Variants in SEPTIN7 observed in about 807,000 individuals in gnomAD.
The protein encoded by SEPTIN7 is septin-7.
Under a neutral mutation model 63.3 loss-of-function variants are expected in SEPTIN7, and 10 were observed. The observed-to-expected ratio is 0.16, with a 90% confidence interval of 0.10 to 0.27. The LOEUF (loss-of-function observed/expected upper bound fraction) is 0.27. Among genes scored for constraint, SEPTIN7 ranks in the 10% least tolerant of loss-of-function variants. The pLI, the probability that SEPTIN7 is intolerant of heterozygous loss-of-function variation, is 1.00. For synonymous variants in SEPTIN7, 131 were observed against 165.3 expected, an observed-to-expected ratio of 0.79 and a Z score of 1.59; for missense variants, 310 against 521.0, an observed-to-expected ratio of 0.59 and a Z score of 3.94.
rs1389328836 is a variant in SEPTIN7 at position 35,872,720 on chromosome 7, A to G, written c.331A>G (p.Ile111Val). Residue 111 changes from isoleucine (I) to valine (V), a missense_variant, in exon 5 of 14, where the codon ATA (isoleucine) becomes GTA (valine). Physicochemically the swap from Ile to Val is conservative, Grantham distance 29 (BLOSUM62 3). Coordinates refer to ENST00000350320, the MANE Select transcript of SEPTIN7 (RefSeq NM_001788.6). ...AGGTGGTGTTCAGTTGCTGCTCACA[A>G]TAGTTGATACCCCAGGATTTGGAGA... ...KEGGVQLLLT[I>V]VDTPGFGDAV... The G allele has an allele frequency of 1.2e-6, 2 of 1,612,858 alleles. No homozygotes were observed. The highest frequency in any genetic ancestry group is 1.3e-5 in the African/African-American group (1 of 75,024).
intron 3 of SEPTIN7, among the ~76,000 whole-genome samples, chr7:35,845,331 A>G (rs941343437): frequency 1.3e-5 from 2 of 151,960 alleles, no homozygotes; most frequent in African/African-American, 4.8e-5. Context: ...TAGTTTTAAG[A>G]TCCAAAACGA....
intron 3 of SEPTIN7, among the ~76,000 whole-genome samples, chr7:35,835,114 G>T (rs1261961398): frequency 6.6e-6 from 1 of 152,062 alleles, no homozygotes; most frequent in Non-Finnish European, 1.5e-5. Flanking sequence ...TCTTAAAGGA[G>T]CTTCTGATTT....
intron 4 of SEPTIN7, among the ~76,000 whole-genome samples, chr7:35,871,343 C>T (rs1318592645): frequency 6.6e-6 from 1 of 152,176 alleles, no homozygotes; most frequent in East Asian, 1.9e-4. Flanking sequence ...CTGTAGACCT[C>T]TGCTGTGTAT....
In SEPTIN7 at chr7:35,905,558, G is replaced by C. The variant is rs1788570429; in HGVS notation, c.*1265G>C. The stretch of plus-strand genomic sequence containing the variant: ...CCCCCAGACAGGGTCTTGCTTCATT[G>C]CCCAGGCTGGAGTGCGGTGGCACAA... On this transcript the variant is annotated 3_prime_UTR_variant, in exon 14 of 14. Transcript: ENST00000350320. 2 of 151,766 alleles carry C rather than the reference G, an allele frequency of 1.3e-5. No homozygotes were observed. Among genetic ancestry groups the C allele is most frequent in the Non-Finnish European group, 2.9e-5 (2 of 67,992 alleles). 9.4% of individuals were successfully genotyped at this position (151,766 alleles called of 1,614,324 possible).
chr7:35,892,273 A>T (rs1010655236), intron 11 of SEPTIN7, among the ~76,000 whole-genome samples: 5 of 152,154 alleles, frequency 3.3e-5, no homozygotes, highest in African/African-American at 1.2e-4. Context: ...CCCTTCTTAA[A>T]TATTTAAAAT....
intron 11 of SEPTIN7, among the ~76,000 whole-genome samples, chr7:35,892,088 T>A (rs112110356): frequency 1.4e-4 from 21 of 152,310 alleles, no homozygotes; most frequent in African/African-American, 5.0e-4. Flanking sequence ...CATTATGCAG[T>A]ACATAGCTAT....
chr7:35,804,466 C>T (rs145541706), intron 1 of SEPTIN7, among the ~76,000 whole-genome samples: 3 of 152,350 alleles, frequency 2.0e-5, no homozygotes, highest in African/African-American at 7.2e-5. Context: ...ATCCTTGTGA[C>T]TTACACTTGG....
intron 3 of SEPTIN7, among the ~76,000 whole-genome samples, chr7:35,851,311 G>A (rs1331847266): frequency 2.0e-5 from 3 of 151,866 alleles, no homozygotes; most frequent in African/African-American, 7.3e-5. Flanking sequence ...TTTTAATAAG[G>A]ACAAAAAAAT....
intron 12 of SEPTIN7, chr7:35,899,015 T>C (rs1297653933): frequency 3.9e-5 from 6 of 152,344 alleles, no homozygotes; most frequent in South Asian, 4.1e-4. Flanking sequence ...TTCTAGATGT[T>C]GAGTTATACA....
intron 10 of SEPTIN7, chr7:35,888,846 C>T (rs1297257756): frequency 2.0e-5 from 4 of 203,858 alleles, no homozygotes; most frequent in South Asian, 8.8e-5. Context: ...AAAAAAAAAA[C>T]GGAAAAGAAA....
At chr7:35,831,391 T>C in intron 1 of SEPTIN7, 101 bp from the exon 2 acceptor site, 2 of 372,104 alleles carry the variant, frequency 5.4e-6, no homozygotes, top group South Asian at 2.1e-5. Context: ...GGACTGAATA[T>C]GTCATTACAA....
chr7:35,910,074 G>T (rs1026470229), downstream of SEPTIN7, among the ~76,000 whole-genome samples: 8 of 152,194 alleles, frequency 5.3e-5, no homozygotes, highest in Non-Finnish European at 1.5e-5. Context: ...CTCTCCACAG[G>T]GCTGCTTGAG....
chr7:35,842,236 A>G (rs1784440738), intron 3 of SEPTIN7, among the ~76,000 whole-genome samples: 1 of 152,142 alleles, frequency 6.6e-6, no homozygotes. Flanking sequence ...CTATTGAACT[A>G]CAGAACCTTA....
At chr7:35,822,993 CTG>C (rs1220876084) in intron 1 of SEPTIN7, among the ~76,000 whole-genome samples, 1 of 152,146 alleles carries the variant, frequency 6.6e-6, no homozygotes, top group Non-Finnish European at 1.5e-5. Flanking sequence ...AGTTTCTTGA[CTG>C]TGCTTGAGCC....
Position 35,855,567 on chromosome 7 carries a change from C to T in SEPTIN7, c.170-7985C>T, listed in dbSNP as rs1445003768. On this transcript the variant is annotated intron_variant, in intron 3 of 13. Transcript: ENST00000350320. ...TGAGTTTTTCTCCAAATACTTTAGT[C>T]AGATCTCTTAGATTTTTATGTGTAA... Among the ~76,000 whole-genome samples, 3 of 152,114 alleles carry T rather than the reference C, an allele frequency of 2.0e-5. No homozygotes were observed. The East Asian group carries it at 5.8e-4, about 29-fold the overall frequency.
chr7:35,875,896 A>G (rs749314657), intron 6 of SEPTIN7, among the ~76,000 whole-genome samples: 2 of 152,172 alleles, frequency 1.3e-5, no homozygotes, highest in African/African-American at 2.4e-5. Flanking sequence ...TAGAAACGAT[A>G]AAGGATTTTC....
rs537258176 is a variant in SEPTIN7 at position 35,904,895 on chromosome 7, T to C, written c.*602T>C. 2 of 152,696 alleles carry C rather than the reference T, an allele frequency of 1.3e-5. No individual in the cohort carries two copies. The highest frequency in any genetic ancestry group is 1.9e-4 in the East Asian group (1 of 5,180). The allele number at this position is 152,696 out of a possible 1,614,324, so 9.5% of individuals were successfully genotyped here. A position where few individuals can be genotyped will look rare whatever the true frequency, so the allele number is the denominator to read the frequency against. On this transcript the variant is annotated 3_prime_UTR_variant, in exon 14 of 14. Transcript: ENST00000350320. ...TTGTTTGTTTTGGATTCTTTAAATA[T>C]ATATTATTCTCATTTAGTGCCCTCT...
At chr7:35,835,625 A>G (rs746612790) in intron 3 of SEPTIN7, among the ~76,000 whole-genome samples, 43 of 152,178 alleles carry the variant, frequency 2.8e-4, no homozygotes, top group African/African-American at 7.7e-4. Context: ...AGTACATCCA[A>G]TATGCCTTGA....
chr7:35,873,931 C>A, intron 6 of SEPTIN7, 156 bp downstream of exon 6: 1 of 638,114 alleles, frequency 1.6e-6, no homozygotes, highest in African/African-American at 1.9e-5. Context: ...GTTGAAAAGC[C>A]ATTTTAAGTC....
Sources: gnomAD v4.1 joint callset for allele counts (sites outside exome capture counted in the v4.1 genomes callset) on GRCh38, gnomAD v4.1.1 for gene constraint, MANE v1.5 for transcripts, NCBI Gene and HGNC (gene_info 2026-07-23, HGNC 2026-07-21) for gene names.